Variants in SAMD4A observed in about 807,000 individuals in gnomAD.
SAMD4A encodes protein Smaug homolog 1.
In SAMD4A, 33 loss-of-function variants were observed where a neutral mutation model predicts 81.3. The ratio of observed to expected loss-of-function variants is 0.41; its 90% CI spans 0.31 to 0.54. The LOEUF is 0.54. Ranked by LOEUF, SAMD4A falls within the 20% of genes least tolerant of loss-of-function variation. The probability of loss-of-function intolerance (pLI) is 0.37; values close to 1 mark genes in which losing one functional copy is unlikely to be tolerated. For missense variants in SAMD4A, 854 were observed against 951.1 expected, an observed-to-expected ratio of 0.90 and a Z score of 1.34; for synonymous variants, 389 against 382.1, an observed-to-expected ratio of 1.02 and a Z score of -0.21.
intron 2 of SAMD4A, among the ~76,000 whole-genome samples, chr14:54,621,489 A>G (rs2034614118): frequency 6.6e-6 from 1 of 151,202 alleles, no homozygotes; most frequent in Admixed American, 6.6e-5. Flanking sequence ...AGCTGGGACT[A>G]TAGGCGGGCA....
upstream of SAMD4A, among the ~76,000 whole-genome samples, chr14:54,566,791 C>G (rs951493743): frequency 6.6e-6 from 1 of 152,020 alleles, no homozygotes; most frequent in Non-Finnish European, 1.5e-5. Context: ...AGTGACCGCT[C>G]CGGCCGGAGC....
At chr14:54,648,928 T>C (rs2035345355) in intron 2 of SAMD4A, among the ~76,000 whole-genome samples, 1 of 152,096 alleles carries the variant, frequency 6.6e-6, no homozygotes, top group African/African-American at 2.4e-5. Flanking sequence ...AGGATAGCAG[T>C]GGCAGCTGTG....
intron 2 of SAMD4A, among the ~76,000 whole-genome samples, chr14:54,579,418 T>C (rs1362016797): frequency 6.6e-6 from 1 of 152,250 alleles, no homozygotes; most frequent in East Asian, 1.9e-4. Flanking sequence ...CCAAAACCTA[T>C]GTTGAATCCT....
At chr14:54,753,377 G>T (rs1202960764) in intron 6 of SAMD4A, among the ~76,000 whole-genome samples, 4 of 150,910 alleles carry the variant, frequency 2.7e-5, no homozygotes, top group African/African-American at 2.4e-5. Context: ...TAAACATTTT[G>T]TTAACAAGGC....
At chr14:54,694,570 C>A (rs2036531822) in intron 2 of SAMD4A, 2 of 962,178 alleles carry the variant, frequency 2.1e-6, no homozygotes, top group Non-Finnish European at 1.2e-6. Context: ...GAATCTGGGG[C>A]TCAGGGGAGA....
chr14:54,586,288 T>G (rs2033615439), intron 2 of SAMD4A, among the ~76,000 whole-genome samples: 1 of 152,224 alleles, frequency 6.6e-6, no homozygotes, highest in South Asian at 2.1e-4. Flanking sequence ...GTTTTCTTCT[T>G]GCTGAGTTGT....
At chr14:54,633,023 A>C (rs952048511) in intron 2 of SAMD4A, among the ~76,000 whole-genome samples, 1 of 152,216 alleles carries the variant, frequency 6.6e-6, no homozygotes, top group African/African-American at 2.4e-5. Flanking sequence ...TTATATTTAG[A>C]ATAAATTCTT....
chr14:54,606,098 G>A (rs1179062497), intron 2 of SAMD4A, among the ~76,000 whole-genome samples: 1 of 152,188 alleles, frequency 6.6e-6, no homozygotes, highest in East Asian at 1.9e-4. Flanking sequence ...GAAGCTTAAT[G>A]TGCAGCCCCG....
At chr14:54,609,984 A>G (rs2034313449) in intron 2 of SAMD4A, among the ~76,000 whole-genome samples, 1 of 152,230 alleles carries the variant, frequency 6.6e-6, no homozygotes, top group Non-Finnish European at 1.5e-5. Flanking sequence ...CTGATATTAA[A>G]TCAGCGTACC....
At chr14:54,584,396 A>T (rs1218727140) in intron 2 of SAMD4A, among the ~76,000 whole-genome samples, 2 of 152,168 alleles carry the variant, frequency 1.3e-5, no homozygotes, top group Non-Finnish European at 2.9e-5. Flanking sequence ...GCATCAGAGG[A>T]ATTTCTATCA....
intron 3 of SAMD4A, among the ~76,000 whole-genome samples, chr14:54,726,253 A>T (rs956157647): frequency 2.0e-5 from 3 of 152,090 alleles, no homozygotes; most frequent in African/African-American, 4.8e-5. Flanking sequence ...AATGACCACA[A>T]CAAGAGGCAA....
chr14:54,702,414 T>A lies in SAMD4A; in HGVS notation c.549T>A (p.Ser183=). The change falls in exon 3 of 13, where the codon TCT becomes TCA. Residue 183 remains serine (S), a synonymous_variant. Transcript: ENST00000554335. Reference sequence around the variant, plus strand: ...ACTACTATCACCAAAGACAGAACTCTGATGACAAGCTCAATGGGTGGCAGA... The same window carrying A: ...ACTACTATCACCAAAGACAGAACTCAGATGACAAGCTCAATGGGTGGCAGA... ...QTHYYHQRQN[S]DDKLNGWQNS... The A allele has an allele frequency of 6.2e-7, 1 of 1,614,172 alleles. No homozygotes were observed. Among genetic ancestry groups the A allele is most frequent in the South Asian group, 1.1e-5 (1 of 91,082 alleles).
chr14:54,678,256 G>A (rs1312590863), intron 2 of SAMD4A, among the ~76,000 whole-genome samples: 1 of 152,112 alleles, frequency 6.6e-6, no homozygotes, highest in Admixed American at 6.5e-5. Flanking sequence ...ATTCTTCTTG[G>A]CATCTCTGTG....
chr14:54,666,349 T>C (rs2035756080), intron 2 of SAMD4A, among the ~76,000 whole-genome samples: 1 of 152,164 alleles, frequency 6.6e-6, no homozygotes, highest in Non-Finnish European at 1.5e-5. Flanking sequence ...GACATACAGT[T>C]GTCCCTCCAT....
intron 4 of SAMD4A, among the ~76,000 whole-genome samples, chr14:54,741,554 G>C (rs929447904): frequency 2.6e-5 from 4 of 152,164 alleles, no homozygotes; most frequent in African/African-American, 9.7e-5. Context: ...TGGGCAGACA[G>C]GGCTGAGAGC....
intron 2 of SAMD4A, among the ~76,000 whole-genome samples, chr14:54,568,712 TA>T: frequency 8.4e-6 from 1 of 119,698 alleles, no homozygotes; most frequent in Non-Finnish European, 1.8e-5. Flanking sequence ...TATATATATA[TA>T]TATATATATA....
At chr14:54,576,647 G>A (rs868433955) in intron 2 of SAMD4A, among the ~76,000 whole-genome samples, 3 of 152,230 alleles carry the variant, frequency 2.0e-5, no homozygotes, top group East Asian at 1.9e-4. Context: ...GTGGGAAAGG[G>A]GGGAGATAGC....
chr14:54,580,999 T>A (rs1271237564), intron 2 of SAMD4A, among the ~76,000 whole-genome samples: 1 of 152,190 alleles, frequency 6.6e-6, no homozygotes, highest in African/African-American at 2.4e-5. Context: ...CCAAGATACA[T>A]GTGATAAAGG....
chr14:54,679,677 C>A lies in SAMD4A; in HGVS notation c.197-22385C>A, dbSNP rs1031274095. 1.1e-4 allele frequency among the ~76,000 whole-genome samples: 16 copies of A among 152,058 alleles called. No individual in the cohort carries two copies. In the South Asian group the frequency reaches 1.7e-3, roughly 16 times the overall value. On this transcript the variant is annotated intron_variant, in intron 2 of 12. Transcript: ENST00000554335. ...TTTGGAAGTGGCGGGTGATGGAAGA[C>A]CATTTTGTGTATTTTTAATAGGAGG... is the stretch of plus-strand genomic sequence containing the variant.
Sources: gnomAD v4.1 joint callset for allele counts (sites outside exome capture counted in the v4.1 genomes callset) on GRCh38, gnomAD v4.1.1 for gene constraint, MANE v1.5 for transcripts, NCBI Gene and HGNC (gene_info 2026-07-23, HGNC 2026-07-21) for gene names.